Variants in GOLGA4 observed in about 807,000 individuals in gnomAD.
GOLGA4 encodes golgin A4.
A neutral mutation model predicts 265.9 loss-of-function variants in GOLGA4; 169 were observed. The observed-to-expected ratio is 0.64, with a 90% CI of 0.56 to 0.72. The LOEUF (loss-of-function observed/expected upper bound fraction) is 0.72. Ranked by LOEUF, GOLGA4 falls within the 30% of genes least tolerant of loss-of-function variation. The pLI, the probability that GOLGA4 is intolerant of heterozygous loss-of-function variation, is 0.00. For missense variants in GOLGA4, 2,482 were observed against 2,483.4 expected (o/e 1.00, Z 0.01); for synonymous variants, 923 against 855.8 (o/e 1.08, Z -1.37).
At chr3:37,259,137 A>G (rs1172695228) in intron 2 of GOLGA4, among the ~76,000 whole-genome samples, 1 of 152,146 alleles carries the variant, frequency 6.6e-6, no homozygotes, top group Non-Finnish European at 1.5e-5. Context: ...TCTGATAACT[A>G]ATTCAGTATC....
chr3:37,354,185 C>T (rs2097083728), intron 21 of GOLGA4, among the ~76,000 whole-genome samples: 1 of 151,892 alleles, frequency 6.6e-6, no homozygotes, highest in African/African-American at 2.4e-5. Context: ...CCTTAATGAC[C>T]TTCCCCAGAT....
At chr3:37,268,821 C>T (rs2096790515) in intron 2 of GOLGA4, among the ~76,000 whole-genome samples, 1 of 152,208 alleles carries the variant, frequency 6.6e-6, no homozygotes, top group East Asian at 1.9e-4. Flanking sequence ...CCACCTGCCT[C>T]GGCCTCCTGA....
In GOLGA4 at chr3:37,275,263, AC is replaced by A. The variant is rs370194503; in HGVS notation, c.163-6694del. 3.1e-3 allele frequency among the ~76,000 whole-genome samples: 462 copies of A among 151,440 alleles called. 4 individuals carry two copies. Among genetic ancestry groups the A allele is most frequent in the African/African-American group, 0.011 (442 of 41,288 alleles). ...AAAAGAAAAAAAAAACCCCAAAAAA[AC>A]AAATGTTTAAATGAGCTTCCCAAAC... On this transcript the variant is annotated intron_variant, in intron 2 of 23. Transcript: ENST00000361924.
intron 2 of GOLGA4, among the ~76,000 whole-genome samples, chr3:37,277,416 G>A (rs528222326): frequency 6.6e-6 from 1 of 152,146 alleles, no homozygotes; most frequent in Non-Finnish European, 1.5e-5. Context: ...TCCCCTCTTA[G>A]GAAGACATAC....
At chr3:37,315,055 A>G (rs1185389212) in intron 10 of GOLGA4, among the ~76,000 whole-genome samples, 1 of 152,188 alleles carries the variant, frequency 6.6e-6, no homozygotes, top group Admixed American at 6.5e-5. Flanking sequence ...CAAACGAAAA[A>G]CAATTGAAAT....
intron 16 of GOLGA4, among the ~76,000 whole-genome samples, chr3:37,330,336 A>G (rs2096986069): frequency 6.6e-6 from 1 of 152,186 alleles, no homozygotes; most frequent in South Asian, 2.1e-4. Context: ...TCTTCCTAAG[A>G]AAGGAACTTA....
intron 20 of GOLGA4, among the ~76,000 whole-genome samples, chr3:37,346,578 AGTT>A (rs1259771814): frequency 1.3e-5 from 2 of 152,244 alleles, no homozygotes; most frequent in East Asian, 1.9e-4. Flanking sequence ...TGGGCATTTT[AGTT>A]GTTGCGATTT....
At chr3:37,347,531 C>T (rs531762431) in intron 21 of GOLGA4, among the ~76,000 whole-genome samples, 4 of 152,192 alleles carry the variant, frequency 2.6e-5, no homozygotes, top group South Asian at 2.1e-4. Context: ...TAACACTGAA[C>T]GCTAAACATT....
Position 37,319,111 on chromosome 3 carries a change from G to T in GOLGA4, c.1462G>T (p.Glu488Ter). Residue 488 changes from glutamate (E) to a stop codon, truncating the protein, a stop_gained, in exon 12 of 24, where the codon GAG becomes TAG. Coordinates refer to ENST00000361924, the MANE Select transcript of GOLGA4 (RefSeq NM_002078.5). LOFTEE classifies it high-confidence loss of function. ...IAKLQKLHEKELARKEQELTK... is the reference protein window; with the variant it reads ...IAKLQKLHEK ...TAAGCTACAGAAGCTTCATGAAAAG[G>T]AGCTGGCCAGAAAAGAGCAGGAACT... The T allele has an allele frequency of 6.2e-7, 1 of 1,609,870 alleles. No homozygotes were observed. The highest frequency in any genetic ancestry group is 1.7e-4 in the Middle Eastern group (1 of 6,042).
Position 37,243,465 on chromosome 3 carries a change from A to C in GOLGA4, c.-86A>C. 1 of 1,143,618 alleles carries C rather than the reference A, an allele frequency of 8.7e-7. No homozygotes were observed. Among genetic ancestry groups the C allele is most frequent in the Non-Finnish European group, 1.3e-6 (1 of 753,660 alleles). The allele number at this position is 1,143,618 out of a possible 1,614,324, so 70.8% of individuals were successfully genotyped here. A position where few individuals can be genotyped will look rare whatever the true frequency, so the allele number is the denominator to read the frequency against. On this transcript the variant is annotated 5_prime_UTR_variant, in exon 1 of 24. Transcript: ENST00000361924. Reference sequence around the variant, plus strand: ...GCCCCCGCTGTCCCTGGTGTAAAGAAGTCGCCGTAGCCGTCGCGGCCGGGA... The same window carrying C: ...GCCCCCGCTGTCCCTGGTGTAAAGACGTCGCCGTAGCCGTCGCGGCCGGGA...
intron 1 of GOLGA4, chr3:37,250,407 ATGTC>A (rs1197807206): frequency 1.3e-5 from 2 of 152,198 alleles, no homozygotes; most frequent in African/African-American, 4.8e-5. Context: ...AAATATGTAT[ATGTC>A]TGTCTGGATG....
intron 3 of GOLGA4, among the ~76,000 whole-genome samples, chr3:37,285,605 C>T (rs1030972796): frequency 1.3e-5 from 2 of 152,220 alleles, no homozygotes; most frequent in Non-Finnish European, 2.9e-5. Context: ...TCTCTCCACA[C>T]CCTTCCCAAG....
At position 37,258,046 on chromosome 3, in the gene GOLGA4, CATATAT is replaced by C. The variant is rs201201581; in HGVS notation, c.162+6567_162+6572del. On this transcript the variant is annotated intron_variant, in intron 2 of 23. Coordinates refer to ENST00000361924, the MANE Select transcript of GOLGA4 (RefSeq NM_002078.5). ...GTATGTATATATGTATATATACATA[CATATAT>C]ATATGTATGTATATATGTATATATA... 5.1e-3 allele frequency among the ~76,000 whole-genome samples: 196 copies of C among 38,210 alleles called. 22 individuals are homozygous for C. Among genetic ancestry groups the C allele is most frequent in the South Asian group, 8.2e-3 (19 of 2,314 alleles). 25.1% of individuals were successfully genotyped at this position (38,210 alleles called of 152,430 possible).
chr3:37,326,567 G>T lies in GOLGA4; in HGVS notation c.4681G>T (p.Glu1561Ter). ...YNQQKDIEHKELVQKLQHFQE... is the reference protein window; with the variant it reads ...YNQQKDIEHK ...TCAACAAAAGGATATTGAACACAAA[G>T]AATTGGTTCAGAAACTTCAACATTT... The change falls in exon 14 of 24, where the codon GAA (glutamate) becomes TAA (stop). Residue 1561 changes from glutamate (E) to a stop codon, truncating the protein, a stop_gained. Coordinates refer to ENST00000361924, the MANE Select transcript of GOLGA4 (RefSeq NM_002078.5). LOFTEE classifies it high-confidence loss of function. The T allele has an allele frequency of 1.2e-6, 2 of 1,611,946 alleles. No homozygotes were observed. Among genetic ancestry groups the T allele is most frequent in the Non-Finnish European group, 1.7e-6 (2 of 1,178,482 alleles).
chr3:37,281,055 G>A (rs1578479348), intron 2 of GOLGA4, among the ~76,000 whole-genome samples: 1 of 152,092 alleles, frequency 6.6e-6, no homozygotes, highest in African/African-American at 2.4e-5. Context: ...TTAGTGACCC[G>A]GTTGTTAACT....
At chr3:37,320,187 A>G (rs1310562196) in intron 12 of GOLGA4, 2 of 151,974 alleles carry the variant, frequency 1.3e-5, no homozygotes, top group South Asian at 2.1e-4. Flanking sequence ...ATTTTTTAAA[A>G]TAGCATAATT....
intron 3 of GOLGA4, among the ~76,000 whole-genome samples, chr3:37,283,993 G>A (rs2150778598): frequency 6.6e-6 from 1 of 152,286 alleles, no homozygotes; most frequent in South Asian, 2.1e-4. Context: ...GTCTGGATTT[G>A]ATTTTAGGTC....
chr3:37,302,475 G>C (rs2096895730), intron 10 of GOLGA4, 143 bp downstream of exon 10: 3 of 733,550 alleles, frequency 4.1e-6, no homozygotes, highest in Admixed American at 3.0e-5. Flanking sequence ...CTGCTCATTA[G>C]AGGAGGCAGA....
At chr3:37,306,399 A>G (rs1245344728) in intron 10 of GOLGA4, among the ~76,000 whole-genome samples, 3 of 152,126 alleles carry the variant, frequency 2.0e-5, no homozygotes. Context: ...CAGCTTAAGT[A>G]CATAATGCTG....
Sources: gnomAD v4.1 joint callset for allele counts (sites outside exome capture counted in the v4.1 genomes callset) on GRCh38, gnomAD v4.1.1 for gene constraint, MANE v1.5 for transcripts, NCBI Gene and HGNC (gene_info 2026-07-23, HGNC 2026-07-21) for gene names.